Variants in PLEKHA4 observed in about 807,000 individuals in gnomAD.
PLEKHA4 encodes pleckstrin homology domain-containing family A member 4.
PLEKHA4 carries 73 observed loss-of-function variants against 94.7 expected under a neutral mutation model. That is an observed-to-expected ratio of 0.77 (90% CI 0.64 to 0.94). The LOEUF is 0.94. Ranked by LOEUF, PLEKHA4 falls within the 40% of genes least tolerant of loss-of-function variation. PLEKHA4 has a pLI of 0.00. For missense variants in PLEKHA4, 1,049 were observed against 1,054.1 expected (o/e 1.00, Z 0.07); for synonymous variants, 449 against 437.1 (o/e 1.03, Z -0.34).
In PLEKHA4 at chr19:48,840,937, C is replaced by A. The variant is rs377409310; in HGVS notation, c.1905+212G>T. On this transcript the variant is annotated intron_variant, in intron 17 of 19. Transcript: ENST00000263265. ...TCCAGATGTGTGACCCCCGCCCCCA[C>A]CCACTGTCCTCCCCTCACTGCCACT... Among the ~76,000 whole-genome samples, 9 of 151,774 alleles carry A rather than the reference C, an allele frequency of 5.9e-5. No homozygotes were observed. The East Asian group carries it at 1.2e-3, about 20-fold the overall frequency.
At chr19:48,846,747 G>A (rs2035985466) in intron 14 of PLEKHA4, among the ~76,000 whole-genome samples, 1 of 152,150 alleles carries the variant, frequency 6.6e-6, no homozygotes, top group Admixed American at 6.6e-5. Flanking sequence ...CAGCCTGGGT[G>A]ACAGAGCAAG....
At chr19:48,840,252 TA>T (rs890607609) in intron 17 of PLEKHA4, among the ~76,000 whole-genome samples, 2 of 151,796 alleles carry the variant, frequency 1.3e-5, no homozygotes, top group Admixed American at 6.6e-5. Context: ...CTGTCTCTAC[TA>T]AAAATACAAA....
chr19:48,838,164 G>T, intron 18 of PLEKHA4, 35 bp from the exon 19 acceptor site: 25 of 1,116,808 alleles, frequency 2.2e-5, no homozygotes, highest in Non-Finnish European at 3.2e-5. Flanking sequence ...GTGGGGGTGT[G>T]TACATGGGGG....
rs532838919 is a variant in PLEKHA4 at position 48,858,202 on chromosome 19, G to C, written c.972+658C>G. ...TGGATATTCTGAGCTACCGTCCCATGATGCTCAGACAAAACAGCAGGCAAC... is the reference window on the plus strand; with the variant it reads ...TGGATATTCTGAGCTACCGTCCCATCATGCTCAGACAAAACAGCAGGCAAC... On this transcript the variant is annotated intron_variant, in intron 8 of 19. Coordinates refer to ENST00000263265, the MANE Select transcript of PLEKHA4 (RefSeq NM_020904.3). Among the ~76,000 whole-genome samples, 53 of 152,292 alleles carry C rather than the reference G, an allele frequency of 3.5e-4. No individual in the cohort carries two copies. The South Asian group carries it at 0.011, about 31-fold the overall frequency.
At chr19:48,845,647 G>T in intron 14 of PLEKHA4, 31 bp from the exon 15 acceptor site, 2 of 1,370,358 alleles carry the variant, frequency 1.5e-6, no homozygotes, top group Non-Finnish European at 2.0e-6. Context: ...GGATAATGAT[G>T]ATCATTATAA....
intron 18 of PLEKHA4, 171 bp from the exon 19 acceptor site, chr19:48,838,300 G>A (rs1599858433): frequency 4.1e-6 from 2 of 492,708 alleles, no homozygotes; most frequent in Non-Finnish European, 3.7e-6. Flanking sequence ...ATTAAAGGGT[G>A]TAACTAGATT....
intron 17 of PLEKHA4, among the ~76,000 whole-genome samples, 176 bp from the exon 18 acceptor site, chr19:48,839,439 TATTTA>T (rs2035670368): frequency 6.6e-6 from 1 of 152,196 alleles, no homozygotes; most frequent in African/African-American, 2.4e-5. Context: ...TAATTTATTT[TATTTA>T]TTCATTTTTT....
intron 13 of PLEKHA4, among the ~76,000 whole-genome samples, chr19:48,850,159 T>C (rs1196929585): frequency 2.0e-5 from 3 of 149,398 alleles, no homozygotes; most frequent in Non-Finnish European, 4.4e-5. Flanking sequence ...TGAGCCGAGA[T>C]CACACCACTG....
At chr19:48,847,586 G>T (rs1393801623) in intron 14 of PLEKHA4, among the ~76,000 whole-genome samples, 1 of 152,168 alleles carries the variant, frequency 6.6e-6, no homozygotes, top group Non-Finnish European at 1.5e-5. Flanking sequence ...ACAAAACTTA[G>T]CCAGGCTTGG....
At chr19:48,845,266 G>A in intron 16 of PLEKHA4, 104 bp downstream of exon 16, 1 of 1,092,282 alleles carries the variant, frequency 9.2e-7, no homozygotes, top group South Asian at 1.3e-5. Context: ...TGCTCTCTCT[G>A]CTCTGAGTAT....
chr19:48,861,146 T>G (rs998418184), intron 5 of PLEKHA4, among the ~76,000 whole-genome samples: 3 of 151,480 alleles, frequency 2.0e-5, no homozygotes, highest in Non-Finnish European at 2.9e-5. Context: ...AGGCGGAGGT[T>G]GCAGTGAGCC....
In PLEKHA4 at chr19:48,845,380, A is replaced by G. The variant is rs1328940292; in HGVS notation, c.1733T>C (p.Leu578Pro). The G allele has an allele frequency of 1.2e-6, 2 of 1,612,912 alleles. No homozygotes were observed. The change falls in exon 16 of 20, where the codon CTA becomes CCA. Residue 578 changes from leucine to proline, a missense_variant. By Grantham distance (98) the Leu-to-Pro change is moderately conservative. Transcript: ENST00000263265. ...PEGRHLPSPQ[L>P]GTKAPVARPR... ...GGACCTACAGCTTACCTTGGTTCCT[A>G]GCTGTGGGGAAGGGAGGTGGCGACC... is the stretch of plus-strand genomic sequence containing the variant.
rs1167479435 is a variant in PLEKHA4 at position 48,841,082 on chromosome 19, G to A, written c.1905+67C>T. The A allele has an allele frequency of 1.4e-6, 2 of 1,442,224 alleles. 1 individual carries two copies. Among genetic ancestry groups the A allele is most frequent in the Middle Eastern group, 3.5e-4 (2 of 5,644 alleles). The allele number at this position is 1,442,224 out of a possible 1,614,324, so 89.3% of individuals were successfully genotyped here. On this transcript the variant is annotated intron_variant, in intron 17 of 19. Transcript: ENST00000263265. ...GTGATTATCTCCATTTTACAGAAAGGGACTCAAAGTAGGCGAAGAGGACCT... is the reference window on the plus strand; with the variant it reads ...GTGATTATCTCCATTTTACAGAAAGAGACTCAAAGTAGGCGAAGAGGACCT...
intron 3 of PLEKHA4, among the ~76,000 whole-genome samples, chr19:48,862,849 C>T (rs190689167): frequency 2.0e-4 from 30 of 152,350 alleles, no homozygotes; most frequent in African/African-American, 7.2e-4. Context: ...AAGTCATTTC[C>T]GCCTAGAATC....
At position 48,845,595 on chromosome 19, in the gene PLEKHA4, G is replaced by A. The variant is rs752535120; in HGVS notation, c.1588C>T (p.Leu530=). The A allele has an allele frequency of 6.3e-7, 1 of 1,598,358 alleles. No homozygotes were observed. The highest frequency in any genetic ancestry group is 2.2e-5 in the East Asian group (1 of 44,616). ...GTCTCGGGGGACCTAGGGGAGCTCA[G>A]TTCCAAGGACTCTGGCAGGCTCTGC... ...ERESLPESLE[L]SSPRSPETDW... Residue 530 remains leucine, a synonymous_variant, in exon 15 of 20, where the codon CTG becomes TTG. Coordinates refer to ENST00000263265, the MANE Select transcript of PLEKHA4 (RefSeq NM_020904.3).
chr19:48,861,347 G>A (rs1156331657), intron 5 of PLEKHA4, 54 bp downstream of exon 5: 20 of 1,440,310 alleles, frequency 1.4e-5, no homozygotes, highest in East Asian at 1.4e-4. Flanking sequence ...ATATCTACCC[G>A]CCCTCATCTC....
intron 13 of PLEKHA4, among the ~76,000 whole-genome samples, chr19:48,848,577 G>T (rs906709423): frequency 7.9e-5 from 12 of 151,516 alleles, no homozygotes; most frequent in Admixed American, 2.6e-4. Flanking sequence ...TGGATCACCA[G>T]AGGTCAGAAG....
At chr19:48,846,605 A>C (rs1050561117) in intron 14 of PLEKHA4, among the ~76,000 whole-genome samples, 2 of 152,014 alleles carry the variant, frequency 1.3e-5, no homozygotes, top group African/African-American at 4.8e-5. Context: ...CGTCTCTACA[A>C]AAAAGTTAAA....
chr19:48,862,970 TA>T (rs1298784541), intron 3 of PLEKHA4, among the ~76,000 whole-genome samples: 4 of 152,182 alleles, frequency 2.6e-5, no homozygotes, highest in Admixed American at 2.0e-4. Context: ...TTAGTCCAAT[TA>T]TTCTGGAGCC....
Sources: gnomAD v4.1 joint callset for allele counts (sites outside exome capture counted in the v4.1 genomes callset) on GRCh38, gnomAD v4.1.1 for gene constraint, MANE v1.5 for transcripts, NCBI Gene and HGNC (gene_info 2026-07-23, HGNC 2026-07-21) for gene names.